Variants in LRRIQ1 observed in about 807,000 individuals in gnomAD.
LRRIQ1 encodes the protein leucine-rich repeat- and IQ domain-containing protein 1.
Under a neutral mutation model 211.9 loss-of-function variants are expected in LRRIQ1, and 210 were observed. The ratio of observed to expected loss-of-function variants is 0.99; its 90% CI spans 0.89 to 1.11. LRRIQ1 has a LOEUF of 1.11. Ranked by LOEUF, LRRIQ1 falls within the 50% of genes most tolerant of loss-of-function variation. LRRIQ1 has a pLI of 0.00. For missense variants in LRRIQ1, 2,136 were observed against 1,939.5 expected (o/e 1.10, Z -1.90); for synonymous variants, 699 against 650.1 (o/e 1.08, Z -1.14).
chr12:85,248,354 T>A (rs1166457811), downstream of LRRIQ1, among the ~76,000 whole-genome samples: 4 of 151,678 alleles, frequency 2.6e-5, no homozygotes, highest in Non-Finnish European at 5.9e-5. Context: ...TCATCTTTAA[T>A]TTTTCTATGG....
intron 16 of LRRIQ1, 26 bp from the exon 17 acceptor site, chr12:85,124,044 A>G (rs770910683): frequency 6.5e-7 from 1 of 1,542,058 alleles, no homozygotes; most frequent in South Asian, 1.1e-5. Flanking sequence ...ATTCTTATTA[A>G]ATGTTCTCAT....
intron 1 of LRRIQ1, among the ~76,000 whole-genome samples, chr12:85,253,540 C>G (rs1896007951): frequency 6.6e-6 from 1 of 151,964 alleles, no homozygotes; most frequent in Non-Finnish European, 1.5e-5. Context: ...CAGCCAGAAC[C>G]ACAACATTCT....
chr12:85,039,849 T>C (rs908015585), intron 2 of LRRIQ1, among the ~76,000 whole-genome samples: 4 of 151,682 alleles, frequency 2.6e-5, no homozygotes, highest in African/African-American at 9.7e-5. Flanking sequence ...TCCTAGATGC[T>C]TCAAGTATTT....
chr12:85,188,581 C>T (rs1892341541), intron 24 of LRRIQ1, among the ~76,000 whole-genome samples: 1 of 152,118 alleles, frequency 6.6e-6, no homozygotes, highest in African/African-American at 2.4e-5. Flanking sequence ...ATATGTGTGA[C>T]TGAAGCAGTA....
chr12:85,208,701 G>T (rs1174261679), intron 24 of LRRIQ1, among the ~76,000 whole-genome samples: 2 of 152,086 alleles, frequency 1.3e-5, no homozygotes, highest in African/African-American at 4.8e-5. Flanking sequence ...CAAACTCAAT[G>T]GATGGATTAA....
chr12:85,106,452 T>G, intron 14 of LRRIQ1, 70 bp from the exon 15 acceptor site: 3 of 1,054,160 alleles, frequency 2.8e-6, no homozygotes, highest in Non-Finnish European at 4.3e-6. Context: ...GTAAATACAG[T>G]GGTCATAGAT....
At position 85,098,938 on chromosome 12, in the gene LRRIQ1, A is replaced by C. The variant is rs1886131427; in HGVS notation, c.3153A>C (p.Glu1051Asp). 1.3e-6 allele frequency: 2 copies of C among 1,575,100 alleles called. No individual in the cohort carries two copies. The highest frequency in any genetic ancestry group is 1.8e-5 in the Admixed American group (1 of 55,608). ...ATGATAACAGCATTTCAACTGTGGAAGCATTTTCTTCATACTGGCTGCCTT... is the reference window on the plus strand; with the variant it reads ...ATGATAACAGCATTTCAACTGTGGACGCATTTTCTTCATACTGGCTGCCTT... ...HLDDNSISTV[E>D]AFSSYWLPLL... The change falls in exon 13 of 27, where the codon GAA (glutamate) becomes GAC (aspartate). Residue 1051 changes from glutamate (E) to aspartate (D), a missense_variant. Transcript: ENST00000393217.
chr12:85,133,670 C>T (rs1036606420), intron 18 of LRRIQ1, among the ~76,000 whole-genome samples: 2 of 152,020 alleles, frequency 1.3e-5, no homozygotes, highest in Non-Finnish European at 2.9e-5. Context: ...TCAAGCCAGA[C>T]ATGTTGGATG....
chr12:85,182,253 G>A (rs1892014761), intron 24 of LRRIQ1, among the ~76,000 whole-genome samples: 1 of 151,972 alleles, frequency 6.6e-6, no homozygotes, highest in Non-Finnish European at 1.5e-5. Flanking sequence ...CTCTGAGTTT[G>A]AAATAGTTTG....
At chr12:85,100,526 G>A (rs1886272456) in intron 13 of LRRIQ1, among the ~76,000 whole-genome samples, 1 of 151,650 alleles carries the variant, frequency 6.6e-6, no homozygotes, top group Non-Finnish European at 1.5e-5. Flanking sequence ...AAAAAAATGA[G>A]TAATGTATGT....
chr12:85,199,819 C>A (rs1893203475), intron 24 of LRRIQ1, among the ~76,000 whole-genome samples: 1 of 152,068 alleles, frequency 6.6e-6, no homozygotes, highest in South Asian at 2.1e-4. Flanking sequence ...TGGTACCGCC[C>A]TTGAAACATG....
At chr12:85,256,385 T>C (rs2137317893) in intron 1 of LRRIQ1, among the ~76,000 whole-genome samples, 1 of 151,826 alleles carries the variant, frequency 6.6e-6, no homozygotes, top group South Asian at 2.1e-4. Context: ...GTTATTTTTT[T>C]CTTTCAAACC....
intron 11 of LRRIQ1, among the ~76,000 whole-genome samples, chr12:85,095,010 G>A (rs955565129): frequency 1.3e-5 from 2 of 152,164 alleles, no homozygotes; most frequent in African/African-American, 2.4e-5. Flanking sequence ...AAATCGAGGA[G>A]CCTCTGGGCA....
intron 11 of LRRIQ1, among the ~76,000 whole-genome samples, chr12:85,082,409 A>C (rs982763214): frequency 2.0e-5 from 3 of 152,032 alleles, no homozygotes; most frequent in African/African-American, 7.2e-5. Context: ...GTCGGGGCTT[A>C]TTGCAGTTCA....
At chr12:85,236,184 A>C (rs1895164543) in intron 26 of LRRIQ1, among the ~76,000 whole-genome samples, 5 of 152,204 alleles carry the variant, frequency 3.3e-5, no homozygotes, top group Admixed American at 3.3e-4. Context: ...AAGGAATAAT[A>C]TCTTTGCAAC....
chr12:85,217,528 G>A (rs1461355964), intron 24 of LRRIQ1, among the ~76,000 whole-genome samples: 17 of 118,542 alleles, frequency 1.4e-4, no homozygotes, highest in African/African-American at 5.6e-4. Flanking sequence ...GTGTGTGTGT[G>A]TGTGTGTGTG....
chr12:85,098,560 G>C lies in LRRIQ1; in HGVS notation c.3081+12G>C. ...ATTATCTGAGTGAGGTAATTGCTTT[G>C]AATTAATTGATTTCTGTGATAAAGC... On this transcript the variant is annotated intron_variant, in intron 12 of 26. Transcript: ENST00000393217. 1.3e-6 allele frequency: 2 copies of C among 1,575,792 alleles called. No individual in the cohort carries two copies. Among genetic ancestry groups the C allele is most frequent in the Non-Finnish European group, 1.7e-6 (2 of 1,156,908 alleles).
chr12:85,064,048 T>C (rs1313635456), intron 8 of LRRIQ1, among the ~76,000 whole-genome samples: 2 of 151,852 alleles, frequency 1.3e-5, no homozygotes, highest in Non-Finnish European at 2.9e-5. Context: ...TTCGGCTATA[T>C]ACCTAGCAGC....
chr12:85,261,797 A>G lies in LRRIQ1; in HGVS notation c.122-1118A>G, dbSNP rs113683640. 9.9e-4 allele frequency among the ~76,000 whole-genome samples: 122 copies of G among 123,266 alleles called. 1 individual carries two copies. The highest frequency in any genetic ancestry group is 4.2e-3 in the African/African-American group (96 of 22,894). The allele number at this position is 123,266 out of a possible 152,430, so 80.9% of individuals were successfully genotyped here. A position where few individuals can be genotyped will look rare whatever the true frequency, so the allele number is the denominator to read the frequency against. On this transcript the variant is annotated intron_variant, in intron 1 of 1. Transcript: ENST00000602731. Reference sequence around the variant, plus strand: ...TATTTATTTATTTATTTATTTATTTATTTATTTTTGAGACGGAGTTTGGCT... The same window carrying G: ...TATTTATTTATTTATTTATTTATTTGTTTATTTTTGAGACGGAGTTTGGCT...
Sources: allele counts gnomAD v4.1 joint callset (sites outside exome capture counted in the v4.1 genomes callset), GRCh38; gene constraint gnomAD v4.1.1; transcripts MANE v1.5; gene names NCBI Gene and HGNC (gene_info 2026-07-23, HGNC 2026-07-21).